Variants in EDA observed in about 807,000 individuals in gnomAD.
The protein encoded by EDA is ectodysplasin-A.
Under a neutral mutation model 23.6 loss-of-function variants are expected in EDA, and 2 were observed. That is an observed-to-expected ratio of 0.08 (90% confidence interval 0.03 to 0.27). The LOEUF (loss-of-function observed/expected upper bound fraction) is 0.27, where lower values mean the gene tolerates loss of function less well. Among genes scored for constraint, EDA ranks in the 10% least tolerant of loss-of-function variants. The probability of loss-of-function intolerance (pLI) is 1.00; values close to 1 mark genes in which losing one functional copy is unlikely to be tolerated. For synonymous variants in EDA, 131 were observed against 132.0 expected (o/e 0.99, Z 0.05); for missense variants, 229 against 324.2 (o/e 0.71, Z 2.26).
chrX:70,025,150 C>G (rs1348504378), intron 3 of EDA, among the ~76,000 whole-genome samples: 1 of 110,853 alleles, frequency 9.0e-6, no homozygotes, highest in Non-Finnish European at 1.9e-5. Flanking sequence ...TTCTCAAATG[C>G]CTTCTAACAT....
intron 1 of EDA, among the ~76,000 whole-genome samples, chrX:69,777,013 T>C (rs2014805212): frequency 9.0e-6 from 1 of 111,693 alleles, no homozygotes; most frequent in Non-Finnish European, 1.9e-5. Flanking sequence ...AGCTAGTTTA[T>C]TTTCCTTAGT....
At chrX:69,972,362 A>AT (rs1424315247) in intron 2 of EDA, among the ~76,000 whole-genome samples, 1 of 111,301 alleles carries the variant, frequency 9.0e-6, no homozygotes, top group African/African-American at 3.3e-5. Context: ...GGTTCTGTAG[A>AT]TTTTTCTAGC....
At chrX:69,853,725 T>G (rs2017183124) in intron 1 of EDA, among the ~76,000 whole-genome samples, 1 of 112,200 alleles carries the variant, frequency 8.9e-6, no homozygotes, top group Non-Finnish European at 1.9e-5. Flanking sequence ...CAGAAGAAAT[T>G]GTGATAGTAT....
intron 1 of EDA, among the ~76,000 whole-genome samples, chrX:69,740,871 G>T (rs1427969228): frequency 9.2e-6 from 1 of 108,832 alleles, no homozygotes; most frequent in East Asian, 2.9e-4. Context: ...TGCATAATCT[G>T]TTGATCTTTC....
intron 2 of EDA, among the ~76,000 whole-genome samples, chrX:70,017,950 C>T (rs893466313): frequency 3.6e-5 from 4 of 111,650 alleles, no homozygotes; most frequent in African/African-American, 1.3e-4. Context: ...ACCTAGAAAA[C>T]CCCCATAGTC....
chrX:69,739,904 A>G (rs763777580), intron 1 of EDA, among the ~76,000 whole-genome samples: 23 of 111,552 alleles, frequency 2.1e-4, no homozygotes, highest in Non-Finnish European at 4.2e-4. Context: ...TATAATTTGT[A>G]TATTTTAAAG....
chrX:69,810,088 C>T (rs762427598), intron 1 of EDA, among the ~76,000 whole-genome samples: 10 of 104,671 alleles, frequency 9.6e-5, no homozygotes, highest in East Asian at 3.1e-4. Flanking sequence ...GGTGAAATCC[C>T]GTCTCAACTA....
At chrX:69,788,886 C>T (rs776466002) in intron 1 of EDA, among the ~76,000 whole-genome samples, 1,665 of 112,813 alleles carry the variant, frequency 0.015, 31 homozygotes, top group African/African-American at 0.052. Context: ...CGCCCCTCCC[C>T]CAGCCTCGCT....
At chrX:69,711,321 C>G (rs1437140591) in intron 1 of EDA, among the ~76,000 whole-genome samples, 1 of 111,502 alleles carries the variant, frequency 9.0e-6, no homozygotes, top group Non-Finnish European at 1.9e-5. Flanking sequence ...GTTGAACCAG[C>G]CTTGCATCCC....
chrX:69,970,215 C>T (rs751516672), intron 2 of EDA, among the ~76,000 whole-genome samples: 1 of 113,006 alleles, frequency 8.8e-6, no homozygotes, highest in Non-Finnish European at 1.9e-5. Flanking sequence ...TAAAATCACA[C>T]AAATCCTAGC....
At chrX:69,798,821 G>A (rs776841452) in intron 1 of EDA, among the ~76,000 whole-genome samples, 3 of 110,446 alleles carry the variant, frequency 2.7e-5, no homozygotes, top group East Asian at 5.7e-4. Context: ...AAATACAAAG[G>A]ATCAATAAAT....
intron 1 of EDA, among the ~76,000 whole-genome samples, chrX:69,756,598 G>A (rs1390728031): frequency 9.0e-6 from 1 of 111,223 alleles, no homozygotes; most frequent in African/African-American, 3.3e-5. Context: ...ATTTTTTAAG[G>A]GCCTTTGAGA....
At chrX:70,029,834 G>C (rs898359839) in intron 5 of EDA, among the ~76,000 whole-genome samples, 1 of 112,509 alleles carries the variant, frequency 8.9e-6, no homozygotes, top group Middle Eastern at 4.6e-3. Context: ...CTGCCAGTCA[G>C]ACCTATTCAC....
chrX:69,762,076 C>G (rs1337652461), intron 1 of EDA, among the ~76,000 whole-genome samples: 1 of 111,377 alleles, frequency 9.0e-6, no homozygotes. Context: ...GATAAGTTAC[C>G]TAGAAAAGTG....
chrX:69,739,084 A>T (rs2013364744), intron 1 of EDA, among the ~76,000 whole-genome samples: 1 of 111,324 alleles, frequency 9.0e-6, no homozygotes, highest in South Asian at 3.7e-4. Flanking sequence ...TGAAAGTGGG[A>T]TATTGAAGTT....
chrX:69,831,301 G>A (rs149614848), intron 1 of EDA, among the ~76,000 whole-genome samples: 244 of 111,932 alleles, frequency 2.2e-3, no homozygotes, highest in African/African-American at 7.4e-3. Context: ...GTGAGAAGAT[G>A]CGGTGTTTGG....
At chrX:69,633,205 G>C (rs1212921555) in intron 1 of EDA, among the ~76,000 whole-genome samples, 3 of 111,628 alleles carry the variant, frequency 2.7e-5, no homozygotes, top group Non-Finnish European at 3.8e-5. Flanking sequence ...TATCTGTCAA[G>C]TCCTTTATTT....
intron 1 of EDA, among the ~76,000 whole-genome samples, chrX:69,708,634 T>A (rs2520366): frequency 0.32 from 35,521 of 110,449 alleles, 5,043 homozygotes; most frequent in Middle Eastern, 0.56. Flanking sequence ...TTTGGTATTA[T>A]TGTTCTTGAA....
At chrX:69,873,412 T>A (rs769594558) in intron 1 of EDA, among the ~76,000 whole-genome samples, 1 of 111,411 alleles carries the variant, frequency 9.0e-6, no homozygotes, top group Non-Finnish European at 1.9e-5. Context: ...CAGAACTAAA[T>A]GAAATTGAAA....
Sources: allele counts gnomAD v4.1 joint callset (sites outside exome capture counted in the v4.1 genomes callset), GRCh38; gene constraint gnomAD v4.1.1; transcripts MANE v1.5; gene names NCBI Gene and HGNC (gene_info 2026-07-23, HGNC 2026-07-21).